WDR72: variants seen among roughly 807,000 people sequenced by gnomAD.
WDR72 encodes the protein WD repeat domain 72, also known as WD repeat-containing protein 72.
Under a neutral mutation model 124.2 loss-of-function variants are expected in WDR72, and 120 were observed. That is an observed-to-expected ratio of 0.97 (90% CI 0.83 to 1.12). The LOEUF (loss-of-function observed/expected upper bound fraction) is 1.12, where lower values mean the gene tolerates loss of function less well. WDR72 is among the 50% of genes most tolerant of loss of function. WDR72 has a pLI of 0.00. For missense variants in WDR72, 1,387 were observed against 1,278.8 expected, an observed-to-expected ratio of 1.08 and a Z score of -1.29; for synonymous variants, 452 against 441.7, an observed-to-expected ratio of 1.02 and a Z score of -0.29.
intron 4 of WDR72, 35 bp from the exon 5 acceptor site, chr15:53,715,402 A>G (rs376955144): frequency 3.1e-5 from 50 of 1,611,020 alleles, no homozygotes; most frequent in Non-Finnish European, 4.1e-5. Context: ...ACATTTAATT[A>G]TCACTAAAAT....
At chr15:53,581,768 T>G (rs887451121) in intron 18 of WDR72, among the ~76,000 whole-genome samples, 1 of 152,058 alleles carries the variant, frequency 6.6e-6, no homozygotes, top group Admixed American at 6.6e-5. Context: ...CCTCTGGCAA[T>G]AAGAAATGGA....
chr15:53,760,926 C>A (rs1431009276), upstream of WDR72, among the ~76,000 whole-genome samples: 1 of 152,024 alleles, frequency 6.6e-6, no homozygotes, highest in Middle Eastern at 3.2e-3. Flanking sequence ...GAGTTCGAGA[C>A]CAGCCTGGTC....
chr15:53,533,422 C>T (rs1044214124), intron 18 of WDR72, among the ~76,000 whole-genome samples: 1 of 147,714 alleles, frequency 6.8e-6, no homozygotes, highest in Non-Finnish European at 1.5e-5. Flanking sequence ...AGAATCACTC[C>T]TCTATTTTAA....
At chr15:53,625,010 C>A (rs929694740) in intron 14 of WDR72, among the ~76,000 whole-genome samples, 3 of 152,006 alleles carry the variant, frequency 2.0e-5, no homozygotes, top group Admixed American at 1.3e-4. Context: ...TTTATGTTAC[C>A]TATATGCAAT....
intron 18 of WDR72, among the ~76,000 whole-genome samples, chr15:53,554,304 A>G (rs941469732): frequency 7.2e-5 from 11 of 152,106 alleles, no homozygotes; most frequent in Non-Finnish European, 1.5e-5. Flanking sequence ...GTTTTGAACC[A>G]ATTTTTTGTT....
At chr15:53,741,774 C>T (rs1232115501) in intron 1 of WDR72, among the ~76,000 whole-genome samples, 2 of 151,436 alleles carry the variant, frequency 1.3e-5, no homozygotes, top group African/African-American at 2.4e-5. Flanking sequence ...CTGTCACTCA[C>T]GCTGGAGTGG....
intron 18 of WDR72, among the ~76,000 whole-genome samples, chr15:53,578,631 G>C (rs139423729): frequency 1.6e-4 from 25 of 152,120 alleles, no homozygotes; most frequent in Admixed American, 1.6e-3. Context: ...TAAGACTAGA[G>C]AGACATCCAA....
At chr15:53,711,705 G>A (rs1238059993) in intron 7 of WDR72, among the ~76,000 whole-genome samples, 2 of 152,104 alleles carry the variant, frequency 1.3e-5, no homozygotes, top group African/African-American at 4.8e-5. Context: ...ATTCCAGAGT[G>A]TGTACACTAA....
At chr15:53,761,575 C>G (rs544138462), upstream of WDR72, among the ~76,000 whole-genome samples, 1 of 152,276 alleles carries the variant, frequency 6.6e-6, no homozygotes, top group African/African-American at 2.4e-5. Context: ...CCTGTAATCC[C>G]AGCGCTTTAG....
chr15:53,641,411 T>G (rs1203427306), intron 14 of WDR72, among the ~76,000 whole-genome samples: 2 of 151,982 alleles, frequency 1.3e-5, no homozygotes, highest in Non-Finnish European at 2.9e-5. Flanking sequence ...ATAATATGTT[T>G]GACATCTGAG....
At position 53,743,572 on chromosome 15, in the gene WDR72, T is replaced by G. The variant is rs578037304; in HGVS notation, c.-12-10411A>C. ...AGCCATTCGAAATATAGGAAGTTCA[T>G]GAATATTTTTACTTTCTAGAAAAAG... is the stretch of plus-strand genomic sequence containing the variant. On this transcript the variant is annotated intron_variant, in intron 1 of 19. Transcript: ENST00000360509. Among the ~76,000 whole-genome samples, 10 of 152,342 alleles carry G rather than the reference T, an allele frequency of 6.6e-5. No homozygotes were observed. In the South Asian group the frequency reaches 2.1e-3, roughly 32 times the overall value.
Position 53,615,323 on chromosome 15 carries a change from C to T in WDR72, c.2780+103G>A. 5.3e-6 allele frequency: 5 copies of T among 937,798 alleles called. No individual in the cohort carries two copies. The South Asian group carries it at 9.0e-5, about 17-fold the overall frequency. The allele number at this position is 937,798 out of a possible 1,614,324, so 58.1% of individuals were successfully genotyped here. A position where few individuals can be genotyped will look rare whatever the true frequency, so the allele number is the denominator to read the frequency against. On this transcript the variant is annotated intron_variant, in intron 15 of 19. Transcript: ENST00000360509. ...GAAATTGTTGCATACTTACCCCCCA[C>T]TGGAAAGAAGGAAGGAATGTTAAAG...
At chr15:53,519,064 C>CTGTT (rs146183991) in intron 19 of WDR72, among the ~76,000 whole-genome samples, 5,332 of 152,042 alleles carry the variant, frequency 0.035, 246 homozygotes, top group African/African-American at 0.11. Context: ...TTGGAGTGCA[C>CTGTT]TGTTTCTAGT....
chr15:53,751,697 A>G (rs114266831), intron 1 of WDR72, among the ~76,000 whole-genome samples: 3,317 of 152,126 alleles, frequency 0.022, 125 homozygotes, highest in African/African-American at 0.075. Context: ...TGACCCAATG[A>G]GCTTATTTTG....
intron 3 of WDR72, among the ~76,000 whole-genome samples, chr15:53,717,928 T>C (rs1378113349): frequency 1.3e-5 from 2 of 152,114 alleles, no homozygotes; most frequent in Admixed American, 6.6e-5. Context: ...TCTGTGTGTA[T>C]GTACTAAAAA....
At chr15:53,640,916 G>T (rs1017139016) in intron 14 of WDR72, among the ~76,000 whole-genome samples, 28 of 128,618 alleles carry the variant, frequency 2.2e-4, no homozygotes, top group African/African-American at 5.3e-4. Context: ...ATATTACAAA[G>T]ATTTTTTTCA....
At chr15:53,609,377 C>CT (rs2013434518) in intron 17 of WDR72, 136 bp downstream of exon 17, 1 of 750,360 alleles carries the variant, frequency 1.3e-6, no homozygotes, top group African/African-American at 1.7e-5. Flanking sequence ...TGTTTTCCCT[C>CT]ATCTCTATGT....
At chr15:53,730,583 A>G (rs2018171618) in intron 2 of WDR72, among the ~76,000 whole-genome samples, 1 of 152,134 alleles carries the variant, frequency 6.6e-6, no homozygotes, top group African/African-American at 2.4e-5. Flanking sequence ...CAAACTTAGT[A>G]TGAAGAGAAA....
At chr15:53,629,740 T>C (rs915878206) in intron 14 of WDR72, among the ~76,000 whole-genome samples, 6 of 151,970 alleles carry the variant, frequency 3.9e-5, no homozygotes, top group African/African-American at 1.4e-4. Flanking sequence ...TTAATTTGCC[T>C]TATTCTCATT....
Sources: gnomAD v4.1 joint callset for allele counts (sites outside exome capture counted in the v4.1 genomes callset) on GRCh38, gnomAD v4.1.1 for gene constraint, MANE v1.5 for transcripts, NCBI Gene and HGNC (gene_info 2026-07-23, HGNC 2026-07-21) for gene names.